Variants in IPO11 observed in about 807,000 individuals in gnomAD.
IPO11 encodes the protein importin-11.
Under a neutral mutation model 143.2 loss-of-function variants are expected in IPO11, and 66 were observed. That is an observed-to-expected ratio of 0.46 (90% CI 0.38 to 0.57). The LOEUF (loss-of-function observed/expected upper bound fraction) is 0.57, where lower values mean the gene tolerates loss of function less well. IPO11 is among the 20% of genes least tolerant of loss of function. The probability of loss-of-function intolerance (pLI) is 0.00; values close to 1 mark genes in which losing one functional copy is unlikely to be tolerated. For synonymous variants in IPO11, 385 were observed against 377.8 expected, an observed-to-expected ratio of 1.02 and a Z score of -0.22; for missense variants, 1,026 against 1,141.0, an observed-to-expected ratio of 0.90 and a Z score of 1.45.
At chr5:62,447,496 A>G (rs1744759263) in intron 3 of IPO11, among the ~76,000 whole-genome samples, 1 of 151,860 alleles carries the variant, frequency 6.6e-6, no homozygotes, top group Non-Finnish European at 1.5e-5. Context: ...TAGGTGTATG[A>G]TCTTTCTGGA....
intron 29 of IPO11, among the ~76,000 whole-genome samples, chr5:62,615,288 T>C (rs1746090202): frequency 6.6e-6 from 1 of 152,218 alleles, no homozygotes; most frequent in Admixed American, 6.5e-5. Context: ...TAACAAAGAA[T>C]TATCTACCCA....
Position 62,628,416 on chromosome 5 carries a change from G to T in IPO11, c.*1098G>T, listed in dbSNP as rs1469332768. On this transcript the variant is annotated 3_prime_UTR_variant, in exon 30 of 30. Transcript: ENST00000325324. ...TTTTTTAGGAAATACTCAAAAGCAA[G>T]GTTGGAAAATGTTTTATCTTTCTAT... 1 of 152,606 alleles carries T rather than the reference G, an allele frequency of 6.6e-6. No individual in the cohort carries two copies. The highest frequency in any genetic ancestry group is 1.5e-5 in the Non-Finnish European group (1 of 68,040). The allele number at this position is 152,606 out of a possible 1,614,324, so 9.5% of individuals were successfully genotyped here. A position where few individuals can be genotyped will look rare whatever the true frequency, so the allele number is the denominator to read the frequency against.
At chr5:62,424,409 G>C (rs1743638280) in intron 1 of IPO11, among the ~76,000 whole-genome samples, 1 of 151,620 alleles carries the variant, frequency 6.6e-6, no homozygotes, top group Admixed American at 6.6e-5. Flanking sequence ...AAAGTGCTGG[G>C]ATTACGGGTG....
chr5:62,489,948 A>G (rs974011932), intron 14 of IPO11, among the ~76,000 whole-genome samples, 167 bp from the exon 15 acceptor site: 2 of 152,196 alleles, frequency 1.3e-5, no homozygotes, highest in Non-Finnish European at 2.9e-5. Flanking sequence ...ATGAAGTAAA[A>G]TAGTGTTTCT....
At chr5:62,435,040 A>G (rs1744120881) in intron 1 of IPO11, among the ~76,000 whole-genome samples, 1 of 137,086 alleles carries the variant, frequency 7.3e-6, no homozygotes, top group Non-Finnish European at 1.6e-5. Context: ...AAAAATATAT[A>G]TGTATATGTG....
At chr5:62,509,306 G>A (rs255391) in intron 19 of IPO11, among the ~76,000 whole-genome samples, 13,712 of 152,158 alleles carry the variant, frequency 0.09, 667 homozygotes, top group East Asian at 0.14. Flanking sequence ...TAAAAGATGA[G>A]GTGTCCTTAG....
chr5:62,425,147 C>T (rs152185), intron 1 of IPO11, among the ~76,000 whole-genome samples: 28,170 of 152,086 alleles, frequency 0.19, 3,363 homozygotes, highest in Middle Eastern at 0.27. Context: ...TTGCTCTATC[C>T]TCCTAAACCC....
intron 27 of IPO11, among the ~76,000 whole-genome samples, chr5:62,561,638 T>A (rs1267638138): frequency 6.6e-6 from 1 of 152,222 alleles, no homozygotes; most frequent in Non-Finnish European, 1.5e-5. Context: ...TAAAGTGTGT[T>A]AATTCAACAG....
At chr5:62,537,371 G>A (rs1005061041) in intron 24 of IPO11, 82 bp downstream of exon 24, 19 of 909,654 alleles carry the variant, frequency 2.1e-5, no homozygotes, top group South Asian at 1.1e-4. Flanking sequence ...TGGATGGTTC[G>A]CAAGAAGGAG....
chr5:62,425,461 G>A (rs961589838), intron 1 of IPO11, among the ~76,000 whole-genome samples: 1 of 152,188 alleles, frequency 6.6e-6, no homozygotes, highest in Non-Finnish European at 1.5e-5. Flanking sequence ...GGGATTACAG[G>A]CGAGCGCCAC....
chr5:62,567,804 C>T lies in IPO11; in HGVS notation c.2582+6547C>T, dbSNP rs147349067. Among the ~76,000 whole-genome samples, 145 of 151,780 alleles carry T rather than the reference C, an allele frequency of 9.6e-4. 1 individual carries two copies. In the East Asian group the frequency reaches 0.025, roughly 26 times the overall value. ...CTCAAACTCCTGACCTAAGGTGATCCGCCCACCTCAGCCTCCCAAAGTGCT... is the reference window on the plus strand; with the variant it reads ...CTCAAACTCCTGACCTAAGGTGATCTGCCCACCTCAGCCTCCCAAAGTGCT... On this transcript the variant is annotated intron_variant, in intron 27 of 29. Coordinates refer to ENST00000325324, the MANE Select transcript of IPO11 (RefSeq NM_016338.5).
intron 27 of IPO11, among the ~76,000 whole-genome samples, chr5:62,578,335 T>G (rs1264328315): frequency 1.3e-5 from 2 of 152,088 alleles, no homozygotes; most frequent in Admixed American, 6.6e-5. Flanking sequence ...TTCTAAATTT[T>G]TTCCCCTATT....
At chr5:62,417,088 C>T (rs1310336966) in intron 1 of IPO11, among the ~76,000 whole-genome samples, 1 of 151,252 alleles carries the variant, frequency 6.6e-6, no homozygotes, top group Non-Finnish European at 1.5e-5. Flanking sequence ...TCTTAGATTC[C>T]TCTTCAGCTT....
At position 62,515,403 on chromosome 5, in the gene IPO11, G is replaced by A. The variant is rs780046915; in HGVS notation, c.1798G>A (p.Gly600Arg). 14 of 1,606,402 alleles carry A rather than the reference G, an allele frequency of 8.7e-6. No homozygotes were observed. The highest frequency in any genetic ancestry group is 1.0e-5 in the Non-Finnish European group (12 of 1,177,424). Residue 600 changes from glycine to arginine, a missense_variant, in exon 20 of 30, where the codon GGA becomes AGA. Around this residue, in one of 5 missense-constraint regions of IPO11, gnomAD observed 237 missense variants for 288.0 expected, o/e 0.82. Transcript: ENST00000325324. ...ATTGTAATAGATACGACCATATGTGGGATGTTTGGTACAATATTTGCCCCT... is the reference window on the plus strand; with the variant it reads ...ATTGTAATAGATACGACCATATGTGAGATGTTTGGTACAATATTTGCCCCT... ...RVNMQIRPYV[G>R]CLVQYLPLLW...
In IPO11 at chr5:62,494,138, G is replaced by C. The variant is rs757801509; in HGVS notation, c.1590+14G>C. The C allele has an allele frequency of 6.2e-6, 10 of 1,603,858 alleles. No homozygotes were observed. The South Asian group carries it at 1.1e-4, about 18-fold the overall frequency. On this transcript the variant is annotated intron_variant, in intron 16 of 29. Transcript: ENST00000325324. ...CAAGATTTAGTGGTATGTTTCTTAA[G>C]TGCCTTAAAAGAGTTAGTTTTTAAA...
intron 27 of IPO11, among the ~76,000 whole-genome samples, chr5:62,572,202 A>G (rs1311357963): frequency 6.6e-6 from 1 of 152,208 alleles, no homozygotes; most frequent in Admixed American, 6.5e-5. Context: ...TGATTAGAAA[A>G]TGAGATCATA....
Position 62,627,201 on chromosome 5 carries a change from C to G in IPO11, c.2811C>G (p.Ile937Met). 1.2e-6 allele frequency: 2 copies of G among 1,614,144 alleles called. No homozygotes were observed. The highest frequency in any genetic ancestry group is 1.7e-6 in the Non-Finnish European group (2 of 1,179,994). The change falls in exon 30 of 30, where the codon ATC becomes ATG. Residue 937 changes from isoleucine (I) to methionine (M), a missense_variant. Physicochemically the swap from Ile to Met is conservative, Grantham distance 10. Coordinates refer to ENST00000325324, the MANE Select transcript of IPO11 (RefSeq NM_016338.5). ...PVHTVSLQQF[I>M]YEKLKAQQEM... ...ATACAGTGTCACTGCAGCAGTTCAT[C>G]TACGAGAAGCTCAAGGCACAGCAGG...
At chr5:62,477,463 T>A (rs1746001202) in intron 9 of IPO11, among the ~76,000 whole-genome samples, 1 of 152,232 alleles carries the variant, frequency 6.6e-6, no homozygotes, top group South Asian at 2.1e-4. Flanking sequence ...CTGTTTTTTA[T>A]CTTTGTGTTT....
intron 27 of IPO11, among the ~76,000 whole-genome samples, chr5:62,572,863 G>A (rs1368846131): frequency 6.6e-6 from 1 of 152,144 alleles, no homozygotes; most frequent in African/African-American, 2.4e-5. Flanking sequence ...GATTGCAGGT[G>A]GGAGCCACTG....
Sources: gnomAD v4.1 joint callset for allele counts (sites outside exome capture counted in the v4.1 genomes callset) on GRCh38, gnomAD v4.1.1 for gene constraint, gnomAD v4.1.1 regional missense constraint, MANE v1.5 for transcripts, NCBI Gene and HGNC (gene_info 2026-07-23, HGNC 2026-07-21) for gene names.